The following STS variants were observed in gnomAD, a reference collection of about 807,000 sequenced individuals.
STS encodes steroid sulfatase.
A neutral mutation model predicts 26.8 loss-of-function variants in STS; 7 were observed. The ratio of observed to expected loss-of-function variants is 0.26; its 90% CI spans 0.15 to 0.49. The LOEUF is 0.49. Ranked by LOEUF, STS falls within the 20% of genes least tolerant of loss-of-function variation. The probability of loss-of-function intolerance (pLI) is 0.98; values close to 1 mark genes in which losing one functional copy is unlikely to be tolerated. For synonymous variants in STS, 199 were observed against 189.4 expected (o/e 1.05, Z -0.42); for missense variants, 434 against 465.6 (o/e 0.93, Z 0.63).
intron 8 of STS, among the ~76,000 whole-genome samples, chrX:7,313,394 G>A (rs1163121674): frequency 8.9e-6 from 1 of 112,047 alleles, no homozygotes; most frequent in African/African-American, 3.2e-5. Flanking sequence ...ATCTCTTCCT[G>A]TCATTCAATA....
At chrX:7,302,749 C>G (rs1195166763) in intron 7 of STS, among the ~76,000 whole-genome samples, 1 of 111,832 alleles carries the variant, frequency 8.9e-6, no homozygotes, top group East Asian at 2.8e-4. Context: ...TTTTCGGGAC[C>G]AAGTGGGTGT....
intron 2 of STS, among the ~76,000 whole-genome samples, chrX:7,225,427 G>A (rs1272549510): frequency 1.8e-5 from 2 of 111,416 alleles, no homozygotes; most frequent in African/African-American, 6.5e-5. Flanking sequence ...CAGAATCCAG[G>A]CATAAGCTTC....
At chrX:7,294,742 A>G (rs1243866820) in intron 7 of STS, among the ~76,000 whole-genome samples, 1 of 111,790 alleles carries the variant, frequency 8.9e-6, no homozygotes, top group Non-Finnish European at 1.9e-5. Context: ...CCACTACACT[A>G]TAGAGCTTCT....
intron 10 of STS, 27 bp from the exon 11 acceptor site, chrX:7,349,861 T>A (rs749149493): frequency 1.7e-6 from 2 of 1,211,622 alleles, no homozygotes; most frequent in Non-Finnish European, 2.2e-6. Context: ...TCATACCTAA[T>A]GCCGTTTCCA....
At chrX:7,204,754 C>T (rs1212472203) in intron 2 of STS, among the ~76,000 whole-genome samples, 1 of 100,325 alleles carries the variant, frequency 1.0e-5, no homozygotes, top group Admixed American at 1.1e-4. Flanking sequence ...TCCTTTCTTC[C>T]CTCTCTCTCC....
At chrX:7,154,986 G>A (rs1022660898) in intron 1 of STS, among the ~76,000 whole-genome samples, 1 of 112,013 alleles carries the variant, frequency 8.9e-6, no homozygotes, top group Non-Finnish European at 1.9e-5. Context: ...CCCAACTCCT[G>A]TGCTGCTTGG....
intron 10 of STS, among the ~76,000 whole-genome samples, chrX:7,339,361 A>G (rs1400982564): frequency 8.9e-6 from 1 of 112,616 alleles, no homozygotes; most frequent in Non-Finnish European, 1.9e-5. Flanking sequence ...AGCTGACCTT[A>G]TGAAAGGACA....
chrX:7,250,725 T>G (rs1411957829), intron 2 of STS, among the ~76,000 whole-genome samples: 2 of 112,679 alleles, frequency 1.8e-5, no homozygotes, highest in Admixed American at 1.9e-4. Context: ...ATACCAGATA[T>G]ATGTCTGTAT....
chrX:7,244,484 C>G (rs1169189275), intron 2 of STS, among the ~76,000 whole-genome samples: 1 of 111,726 alleles, frequency 9.0e-6, no homozygotes, highest in African/African-American at 3.3e-5. Context: ...TGCCTACATA[C>G]AGGAGCAGAG....
intron 1 of STS, among the ~76,000 whole-genome samples, chrX:7,188,818 C>A (rs1933820321): frequency 9.0e-6 from 1 of 111,476 alleles, no homozygotes; most frequent in Non-Finnish European, 1.9e-5. Context: ...TTGTTCAAAC[C>A]CACATCCATG....
chrX:7,224,525 T>C (rs1360989360), intron 2 of STS, among the ~76,000 whole-genome samples: 2 of 111,224 alleles, frequency 1.8e-5, no homozygotes, highest in Non-Finnish European at 3.8e-5. Context: ...ATGGGATTAG[T>C]ACCCATATAA....
intron 8 of STS, among the ~76,000 whole-genome samples, chrX:7,323,625 G>A (rs1405360495): frequency 2.7e-5 from 3 of 111,648 alleles, no homozygotes; most frequent in African/African-American, 6.5e-5. Context: ...AATCCCTGTC[G>A]ATGGGCACCT....
At chrX:7,254,381 A>G (rs1369433221) in intron 3 of STS, among the ~76,000 whole-genome samples, 1 of 111,043 alleles carries the variant, frequency 9.0e-6, no homozygotes, top group South Asian at 3.8e-4. Flanking sequence ...TAAAAAGGAA[A>G]GTAAGCCCTT....
chrX:7,219,198 G>A (rs938373182), intron 2 of STS, among the ~76,000 whole-genome samples: 5 of 112,061 alleles, frequency 4.5e-5, no homozygotes, highest in Admixed American at 9.4e-5. Context: ...TTAAACTCCC[G>A]TTCAGTCTCT....
intron 7 of STS, among the ~76,000 whole-genome samples, chrX:7,280,798 G>T (rs1410091824): frequency 1.8e-5 from 2 of 112,539 alleles, no homozygotes; most frequent in Non-Finnish European, 3.7e-5. Flanking sequence ...ATCAGCCTTT[G>T]CTCAGGATTA....
chrX:7,342,324 G>T (rs770704027), intron 10 of STS, among the ~76,000 whole-genome samples: 1 of 111,449 alleles, frequency 9.0e-6, no homozygotes, highest in East Asian at 2.8e-4. Flanking sequence ...GCATGGAGGA[G>T]AACACAGCAG....
At chrX:7,159,886 A>G (rs1055175262) in intron 1 of STS, among the ~76,000 whole-genome samples, 9 of 111,928 alleles carry the variant, frequency 8.0e-5, no homozygotes, top group African/African-American at 1.3e-4. Flanking sequence ...TGATGCTCCA[A>G]TATAACTGCC....
chrX:7,323,805 A>G (rs1208612059), intron 8 of STS, among the ~76,000 whole-genome samples: 1 of 111,533 alleles, frequency 9.0e-6, no homozygotes, highest in Non-Finnish European at 1.9e-5. Flanking sequence ...GGAGAATCTT[A>G]TTCCTTGCCT....
chrX:7,334,627 T>C (rs1277983914), intron 10 of STS, among the ~76,000 whole-genome samples: 1 of 111,749 alleles, frequency 8.9e-6, no homozygotes, highest in African/African-American at 3.2e-5. Flanking sequence ...TTCCCCTCAC[T>C]CTTCTAGCAA....
Sources: allele counts gnomAD v4.1 joint callset (sites outside exome capture counted in the v4.1 genomes callset), GRCh38; gene constraint gnomAD v4.1.1; transcripts MANE v1.5; gene names NCBI Gene and HGNC (gene_info 2026-07-23, HGNC 2026-07-21).